Variants in GALNT13 observed in about 807,000 individuals in gnomAD.
The protein encoded by GALNT13 is polypeptide N-acetylgalactosaminyltransferase 13.
In GALNT13, 28 loss-of-function variants were observed where a neutral mutation model predicts 64.2. The observed-to-expected ratio is 0.44, with a 90% CI of 0.32 to 0.60. The LOEUF (loss-of-function observed/expected upper bound fraction) is 0.60, where lower values mean the gene tolerates loss of function less well. Ranked by LOEUF, GALNT13 falls within the 20% of genes least tolerant of loss-of-function variation. The pLI is 0.05. For missense variants in GALNT13, 577 were observed against 669.8 expected (o/e 0.86, Z 1.53); for synonymous variants, 214 against 224.6 (o/e 0.95, Z 0.42).
the GALNT13 span, among the ~76,000 whole-genome samples, chr2:153,751,039 A>G: frequency 6.6e-6 from 1 of 151,704 alleles, no homozygotes; most frequent in Non-Finnish European, 1.5e-5. Flanking sequence ...GAAATTTTTT[A>G]GTTTCCTTCT....
the GALNT13 span, among the ~76,000 whole-genome samples, chr2:153,409,602 A>G: frequency 1.3e-5 from 2 of 152,060 alleles, no homozygotes; most frequent in Non-Finnish European, 2.9e-5. Flanking sequence ...TCATAATCCC[A>G]AGAATCAGTG....
At chr2:153,585,564 T>C in the GALNT13 span, among the ~76,000 whole-genome samples, 1 of 152,194 alleles carries the variant, frequency 6.6e-6, no homozygotes, top group Non-Finnish European at 1.5e-5. Flanking sequence ...GACATCTACA[T>C]ACAGGGAGCT....
chr2:154,027,103 A>G (rs1045940500), intron 3 of GALNT13, among the ~76,000 whole-genome samples: 1 of 152,206 alleles, frequency 6.6e-6, no homozygotes, highest in African/African-American at 2.4e-5. Context: ...AATGATATGT[A>G]GAATATCATA....
At chr2:154,258,328 A>G (rs1464954682) in intron 7 of GALNT13, among the ~76,000 whole-genome samples, 1 of 152,126 alleles carries the variant, frequency 6.6e-6, no homozygotes, top group Non-Finnish European at 1.5e-5. Flanking sequence ...ATTTATTCCT[A>G]GAAAAAAGTT....
At chr2:153,926,958 TATATGA>T (rs1690182307) in intron 2 of GALNT13, among the ~76,000 whole-genome samples, 1 of 152,154 alleles carries the variant, frequency 6.6e-6, no homozygotes, top group South Asian at 2.1e-4. Context: ...CCAATGCTTG[TATATGA>T]ATAAGTTAAA....
the GALNT13 span, among the ~76,000 whole-genome samples, chr2:153,352,324 G>T: frequency 1.3e-5 from 2 of 152,116 alleles, no homozygotes; most frequent in Admixed American, 1.3e-4. Flanking sequence ...TTATTGTTGA[G>T]TTTTAAAAGT....
the GALNT13 span, among the ~76,000 whole-genome samples, chr2:153,193,946 T>C: frequency 6.6e-6 from 1 of 150,860 alleles, no homozygotes; most frequent in Admixed American, 6.6e-5. Flanking sequence ...CCTATAAGAT[T>C]TCTGCTGAGA....
intron 10 of GALNT13, among the ~76,000 whole-genome samples, chr2:154,403,313 T>A (rs1248502288): frequency 6.6e-6 from 1 of 152,000 alleles, no homozygotes; most frequent in Admixed American, 6.6e-5. Flanking sequence ...ATTAGGCAGT[T>A]GTGATGGAAT....
chr2:153,581,476 G>C, the GALNT13 span, among the ~76,000 whole-genome samples: 1 of 151,916 alleles, frequency 6.6e-6, no homozygotes, highest in Admixed American at 6.6e-5. Context: ...AATAAAAGCT[G>C]CCTAATATAT....
At chr2:154,450,321 A>T in intron 12 of GALNT13, 90 bp from the exon 13 acceptor site, 1 of 1,173,326 alleles carries the variant, frequency 8.5e-7, no homozygotes, top group East Asian at 2.4e-5. Context: ...TAAAAATCAT[A>T]AAGGATTTTT....
At chr2:154,245,348 G>A (rs1049953934) in intron 6 of GALNT13, among the ~76,000 whole-genome samples, 1 of 152,010 alleles carries the variant, frequency 6.6e-6, no homozygotes, top group Non-Finnish European at 1.5e-5. Context: ...CCTAGTAGGT[G>A]TTTTCTCCAT....
chr2:153,714,573 T>C, the GALNT13 span, among the ~76,000 whole-genome samples: 1 of 152,164 alleles, frequency 6.6e-6, no homozygotes, highest in Non-Finnish European at 1.5e-5. Context: ...GGTGAAACAC[T>C]GGAACTGTTA....
At chr2:154,183,267 T>G (rs1323844959) in intron 4 of GALNT13, among the ~76,000 whole-genome samples, 3 of 152,220 alleles carry the variant, frequency 2.0e-5, no homozygotes. Context: ...TGTATGTTTA[T>G]AGAAATTTAT....
chr2:153,650,091 G>A, the GALNT13 span, among the ~76,000 whole-genome samples: 2 of 152,086 alleles, frequency 1.3e-5, no homozygotes, highest in Non-Finnish European at 2.9e-5. Context: ...ATTATTGTGT[G>A]GGAGTCTAAG....
chr2:153,639,282 A>T, the GALNT13 span, among the ~76,000 whole-genome samples: 1 of 152,128 alleles, frequency 6.6e-6, no homozygotes, highest in Admixed American at 6.6e-5. Context: ...AAAGAACAAA[A>T]TGGGTGGGCT....
the GALNT13 span, among the ~76,000 whole-genome samples, chr2:153,616,466 T>C: frequency 5.3e-5 from 8 of 152,064 alleles, no homozygotes; most frequent in African/African-American, 1.9e-4. Flanking sequence ...CTGTGAAGAA[T>C]GTCATTGGTA....
the GALNT13 span, among the ~76,000 whole-genome samples, chr2:153,718,081 A>T: frequency 6.6e-6 from 1 of 152,186 alleles, no homozygotes; most frequent in Non-Finnish European, 1.5e-5. Flanking sequence ...ACGATGTCAA[A>T]AAAAGATTCA....
the GALNT13 span, among the ~76,000 whole-genome samples, chr2:153,255,331 C>T: frequency 1.4e-5 from 2 of 139,414 alleles, no homozygotes; most frequent in Non-Finnish European, 3.1e-5. Flanking sequence ...GGTAGATCTT[C>T]CTCCATCCTT....
At chr2:153,934,443 G>A (rs1690755022) in intron 2 of GALNT13, among the ~76,000 whole-genome samples, 2 of 152,130 alleles carry the variant, frequency 1.3e-5, no homozygotes, top group African/African-American at 2.4e-5. Context: ...TCACATAAAA[G>A]CTAAAAGTTA....
Sources: gnomAD v4.1 joint callset for allele counts (sites outside exome capture counted in the v4.1 genomes callset) on GRCh38, gnomAD v4.1.1 for gene constraint, MANE v1.5 for transcripts, NCBI Gene and HGNC (gene_info 2026-07-23, HGNC 2026-07-21) for gene names.